The following ERICH1 variants were observed in gnomAD, a reference collection of about 807,000 sequenced individuals.
ERICH1 encodes the protein glutamate rich 1.
A neutral mutation model predicts 39.6 loss-of-function variants in ERICH1; 56 were observed. The observed-to-expected ratio is 1.41, with a 90% CI of 1.14 to 1.77. The LOEUF (loss-of-function observed/expected upper bound fraction) is 1.77. Among genes scored for constraint, ERICH1 ranks in the 40% most tolerant of loss-of-function variants. The probability of loss-of-function intolerance (pLI) is 0.00; values close to 1 mark genes in which losing one functional copy is unlikely to be tolerated. For missense variants in ERICH1, 826 were observed against 575.4 expected (o/e 1.44, Z -4.45); for synonymous variants, 313 against 223.6 (o/e 1.40, Z -3.57).
chr8:670,472 C>T (rs956226143), intron 4 of ERICH1, among the ~76,000 whole-genome samples: 1 of 152,188 alleles, frequency 6.6e-6, no homozygotes, highest in Non-Finnish European at 1.5e-5. Context: ...CTCCGCCAGG[C>T]AGACCGAGTA....
chr8:711,158 G>A (rs906730592), intron 2 of ERICH1, among the ~76,000 whole-genome samples: 5 of 152,140 alleles, frequency 3.3e-5, no homozygotes, highest in Non-Finnish European at 7.3e-5. Context: ...TATTTTCCTT[G>A]GTGAGGTCCA....
chr8:648,873 G>A (rs1799618299), intron 3 of ERICH1, among the ~76,000 whole-genome samples: 1 of 69,384 alleles, frequency 1.4e-5, no homozygotes, highest in Admixed American at 1.2e-4. Context: ...ATAAAATACT[G>A]GGAATCTAAT....
chr8:685,306 A>G (rs1415233180), intron 3 of ERICH1, among the ~76,000 whole-genome samples: 1 of 152,244 alleles, frequency 6.6e-6, no homozygotes, highest in Non-Finnish European at 1.5e-5. Flanking sequence ...CCAGGCAGTC[A>G]GACCTAATGG....
chr8:674,670 T>C (rs777424437), intron 3 of ERICH1, among the ~76,000 whole-genome samples: 1 of 152,252 alleles, frequency 6.6e-6, no homozygotes, highest in Non-Finnish European at 1.5e-5. Flanking sequence ...GGGAAACCCG[T>C]ATTTCTTTTG....
chr8:686,059 C>T (rs1807279749), intron 3 of ERICH1, among the ~76,000 whole-genome samples: 1 of 151,128 alleles, frequency 6.6e-6, no homozygotes, highest in Non-Finnish European at 1.5e-5. Context: ...TCTCGGGAGG[C>T]TGAGGCAGGA....
intron 3 of ERICH1, among the ~76,000 whole-genome samples, chr8:643,853 T>C (rs1321100603): frequency 6.6e-6 from 1 of 152,174 alleles, no homozygotes; most frequent in African/African-American, 2.4e-5. Flanking sequence ...TATAAGTAGA[T>C]GCTAAACTCA....
intron 2 of ERICH1, among the ~76,000 whole-genome samples, chr8:696,883 C>T (rs1307693849): frequency 6.9e-6 from 1 of 145,476 alleles, no homozygotes; most frequent in Non-Finnish European, 1.5e-5. Flanking sequence ...AGCCTGTGCG[C>T]GCTCCTCACA....
At chr8:687,764 C>A (rs931912159) in intron 3 of ERICH1, among the ~76,000 whole-genome samples, 11 of 152,200 alleles carry the variant, frequency 7.2e-5, no homozygotes, top group African/African-American at 2.2e-4. Context: ...GCCCGCGGGG[C>A]CCTAGCCGAG....
rs201334068 is a variant in ERICH1 at position 673,348 on chromosome 8, T to C, written c.1004A>G (p.Glu335Gly). The C allele has an allele frequency of 8.1e-5, 130 of 1,613,980 alleles. 1 individual carries two copies. The highest frequency in any genetic ancestry group is 1.0e-4 in the Non-Finnish European group (121 of 1,179,890). ...AAAATTTAGAATACTGTGTGCCTTT[T>C]CATTGGTAATTGTATCATCTTCCTC... ...ASEEDDTITN[E>G]KAHSILNFLK... Residue 335 changes from glutamate (E) to glycine (G), a missense_variant, in exon 4 of 6, where the codon GAA becomes GGA. Physicochemically the swap from Glu to Gly is moderately conservative, Grantham distance 98. Transcript: ENST00000262109.
chr8:621,089 C>T (rs1797253203), intron 3 of ERICH1, among the ~76,000 whole-genome samples: 1 of 151,922 alleles, frequency 6.6e-6, no homozygotes, highest in African/African-American at 2.4e-5. Context: ...GCACAATAGA[C>T]TTAAATTAAA....
At chr8:634,527 C>A (rs73670347) in intron 3 of ERICH1, among the ~76,000 whole-genome samples, 1 of 152,190 alleles carries the variant, frequency 6.6e-6, no homozygotes, top group Non-Finnish European at 1.5e-5. Flanking sequence ...ATGCTCAGGG[C>A]GGCCCCGTCG....
chr8:641,653 T>C (rs906889), intron 3 of ERICH1, among the ~76,000 whole-genome samples: 60,751 of 152,152 alleles, frequency 0.4, 12,286 homozygotes, highest in Middle Eastern at 0.49. Context: ...CGTGATCTAA[T>C]CAGTGGAGAA....
intron 1 of ERICH1, among the ~76,000 whole-genome samples, chr8:722,990 G>C (rs1319331271): frequency 1.3e-5 from 2 of 152,218 alleles, no homozygotes; most frequent in African/African-American, 4.8e-5. Context: ...AAATCCCATG[G>C]TGACATGTGA....
chr8:616,186 G>A (rs1796890227), intron 3 of ERICH1: 1 of 214,470 alleles, frequency 4.7e-6, no homozygotes, highest in South Asian at 6.8e-5. Flanking sequence ...ACACCTTAAA[G>A]AAATTCCGTA....
intron 2 of ERICH1, among the ~76,000 whole-genome samples, chr8:695,924 C>T (rs1165636348): frequency 7.1e-5 from 6 of 84,638 alleles, no homozygotes; most frequent in Admixed American, 1.2e-4. Context: ...CTCTCACCCT[C>T]CACTCCTCTC....
chr8:726,271 C>T (rs1563373982), intron 1 of ERICH1, among the ~76,000 whole-genome samples: 1 of 152,170 alleles, frequency 6.6e-6, no homozygotes, highest in Admixed American at 6.5e-5. Context: ...ATGCACACAC[C>T]ACACAAGGAC....
intron 3 of ERICH1, among the ~76,000 whole-genome samples, chr8:631,696 T>G (rs1256184911): frequency 6.6e-6 from 1 of 152,172 alleles, no homozygotes; most frequent in Non-Finnish European, 1.5e-5. Context: ...CAGTGTGCTG[T>G]TCAGCGGCAC....
At chr8:624,179 G>A (rs987872328) in intron 3 of ERICH1, among the ~76,000 whole-genome samples, 16 of 152,112 alleles carry the variant, frequency 1.1e-4, no homozygotes, top group African/African-American at 3.4e-4. Context: ...AATGCAAATC[G>A]AAACCACAAT....
intron 3 of ERICH1, among the ~76,000 whole-genome samples, chr8:678,007 G>C (rs572763843): frequency 3.3e-5 from 5 of 152,066 alleles, no homozygotes; most frequent in African/African-American, 9.7e-5. Flanking sequence ...GATCGACTGC[G>C]CTATTGATCT....
Sources: allele counts gnomAD v4.1 joint callset (sites outside exome capture counted in the v4.1 genomes callset), GRCh38; gene constraint gnomAD v4.1.1; transcripts MANE v1.5; gene names NCBI Gene and HGNC (gene_info 2026-07-23, HGNC 2026-07-21).